SYNE1: variants seen among roughly 807,000 people sequenced by gnomAD.
SYNE1 encodes the protein spectrin repeat containing nuclear envelope protein 1.
A neutral mutation model predicts 1,111.0 loss-of-function variants in SYNE1; 616 were observed. The observed-to-expected ratio is 0.55, with a 90% CI of 0.52 to 0.59. The LOEUF (loss-of-function observed/expected upper bound fraction) is 0.59. Ranked by LOEUF, SYNE1 falls within the 20% of genes least tolerant of loss-of-function variation. SYNE1 has a pLI of 0.00. For synonymous variants in SYNE1, 3,855 were observed against 3,825.8 expected (o/e 1.01, Z -0.28); for missense variants, 10,006 against 10,417.0 (o/e 0.96, Z 1.72).
intron 104 of SYNE1, among the ~76,000 whole-genome samples, chr6:152,252,697 T>C (rs1023475979): frequency 2.6e-5 from 4 of 152,238 alleles, no homozygotes; most frequent in African/African-American, 9.6e-5. Flanking sequence ...TGACTTGACC[T>C]TTAATTATGT....
In SYNE1 at chr6:152,141,345, C is replaced by A. The variant is rs139671151; in HGVS notation, c.25120-16G>T. ...GCAGTTTCATCTGTTTAGACATAAACAACCGGCCCCTGTCACCCAAATCTT... is the reference window on the plus strand; with the variant it reads ...GCAGTTTCATCTGTTTAGACATAAAAAACCGGCCCCTGTCACCCAAATCTT... On this transcript the variant is annotated splice_polypyrimidine_tract_variant and intron_variant, in intron 138 of 145. Coordinates refer to ENST00000367255, the MANE Select transcript of SYNE1 (RefSeq NM_182961.4). 10,974 of 1,613,292 alleles carry A rather than the reference C, an allele frequency of 6.8e-3. 88 individuals carry two copies. The highest frequency in any genetic ancestry group is 0.029 in the Middle Eastern group (169 of 5,732).
In SYNE1 at chr6:152,300,763, G is replaced by C. The variant is rs1195000654; in HGVS notation, c.17560C>G (p.His5854Asp). Residue 5854 changes from histidine (H) to aspartate (D), a missense_variant, in exon 93 of 146, where the codon CAC (histidine) becomes GAC (aspartate). His to Asp is a moderately conservative substitution (Grantham distance 81, BLOSUM62 -1). This residue lies in a region of SYNE1 where 4,955 missense variants were observed against 5,017.2 expected (regional missense o/e 0.99). Transcript: ENST00000367255. ...TCAGTGACCGGTGACAGCAAAGTGT[G>C]ACAGCGACCTGCAGTCATCTGCCAC... ...SVVMMTAGRC[H>D]TLLSPVTEES... The C allele has an allele frequency of 6.2e-7, 1 of 1,614,118 alleles. No homozygotes were observed. The highest frequency in any genetic ancestry group is 8.5e-7 in the Non-Finnish European group (1 of 1,180,056).
chr6:152,348,376 T>C (rs1330902439), intron 72 of SYNE1, among the ~76,000 whole-genome samples: 2 of 152,188 alleles, frequency 1.3e-5, no homozygotes, highest in Non-Finnish European at 2.9e-5. Flanking sequence ...CAGGGAAGAA[T>C]AACTTATTTT....
At chr6:152,213,565 G>C (rs746975783) in intron 123 of SYNE1, 47 bp downstream of exon 123, 5 of 1,607,846 alleles carry the variant, frequency 3.1e-6, no homozygotes, top group Non-Finnish European at 3.4e-6. Flanking sequence ...CATCTTCTAA[G>C]GGCCTAAAAA....
At chr6:152,554,004 T>C (rs2099356817) in intron 3 of SYNE1, among the ~76,000 whole-genome samples, 1 of 151,900 alleles carries the variant, frequency 6.6e-6, no homozygotes, top group South Asian at 2.1e-4. Context: ...GGGGTGGCCC[T>C]GGGAGGAGGT....
At chr6:152,311,179 T>G in intron 87 of SYNE1, 1 of 381,716 alleles carries the variant, frequency 2.6e-6, no homozygotes, top group Non-Finnish European at 4.9e-6. Flanking sequence ...GACATAGGAA[T>G]TCTAGCAGTG....
chr6:152,285,231 C>T (rs1192220524), intron 95 of SYNE1, among the ~76,000 whole-genome samples: 2 of 152,158 alleles, frequency 1.3e-5, no homozygotes, highest in Non-Finnish European at 2.9e-5. Flanking sequence ...CAGATCCAAA[C>T]CATCACCCAG....
chr6:152,509,248 C>A (rs796369817), intron 8 of SYNE1, among the ~76,000 whole-genome samples: 13 of 75,794 alleles, frequency 1.7e-4, no homozygotes, highest in Admixed American at 6.3e-4. Context: ...TTTTCTTTTT[C>A]TTTTTTTTTT....
chr6:152,298,527 C>T lies in SYNE1; in HGVS notation c.17682+2114G>A, dbSNP rs143677592. 1.6e-4 allele frequency among the ~76,000 whole-genome samples: 25 copies of T among 151,882 alleles called. No individual in the cohort carries two copies. The East Asian group carries it at 3.1e-3, about 19-fold the overall frequency. Reference sequence around the variant, plus strand: ...TGAGTGGGACCAGGTAGTTATATAACGGAGATCTACTTGCAGGAACAGCAG... The same window carrying T: ...TGAGTGGGACCAGGTAGTTATATAATGGAGATCTACTTGCAGGAACAGCAG... On this transcript the variant is annotated intron_variant, in intron 93 of 145. Coordinates refer to ENST00000367255, the MANE Select transcript of SYNE1 (RefSeq NM_182961.4).
intron 129 of SYNE1, among the ~76,000 whole-genome samples, chr6:152,178,942 G>A (rs2067179552): frequency 1.5e-5 from 2 of 131,484 alleles, no homozygotes; most frequent in Non-Finnish European, 1.5e-5. Context: ...GAGACAGAGT[G>A]TCACTCTGTC....
At chr6:152,416,358 A>G in intron 41 of SYNE1, 29 bp downstream of exon 41, 1 of 1,612,360 alleles carries the variant, frequency 6.2e-7, no homozygotes, top group African/African-American at 1.3e-5. Flanking sequence ...AAGAAAAGAG[A>G]CAAGTGGCCG....
intron 45 of SYNE1, among the ~76,000 whole-genome samples, chr6:152,406,043 T>C (rs1327142814): frequency 1.3e-5 from 2 of 152,050 alleles, no homozygotes; most frequent in Non-Finnish European, 2.9e-5. Context: ...GGACTTTCTG[T>C]TTTTCCATTA....
At chr6:152,537,334 T>C (rs2099248287) in intron 4 of SYNE1, among the ~76,000 whole-genome samples, 1 of 152,136 alleles carries the variant, frequency 6.6e-6, no homozygotes, top group African/African-American at 2.4e-5. Flanking sequence ...CAAGTTTTAA[T>C]GATCTAACAT....
In SYNE1 at chr6:152,430,423, C is replaced by T. The variant is rs553642; in HGVS notation, c.4689+59G>A. 634,846 of 1,459,948 alleles carry T rather than the reference C, an allele frequency of 0.43. 146,586 individuals are homozygous for T. Among genetic ancestry groups the T allele is most frequent in the East Asian group, 0.78 (34,247 of 44,122 alleles). 90.4% of individuals were successfully genotyped at this position (1,459,948 alleles called of 1,614,324 possible). A position where few individuals can be genotyped will look rare whatever the true frequency, so the allele number is the denominator to read the frequency against. On this transcript the variant is annotated intron_variant, in intron 35 of 145. Coordinates refer to ENST00000367255, the MANE Select transcript of SYNE1 (RefSeq NM_182961.4). ...CACTATTTGTAAAGTATTTATTGCA[C>T]TTACCCACAAATACAATGTGAAATA... is the stretch of plus-strand genomic sequence containing the variant.
At chr6:152,560,673 T>C (rs1406342526) in intron 3 of SYNE1, among the ~76,000 whole-genome samples, 2 of 152,016 alleles carry the variant, frequency 1.3e-5, no homozygotes, top group Non-Finnish European at 2.9e-5. Flanking sequence ...AACATAGACA[T>C]GAAAATTCTC....
chr6:152,575,621 G>A (rs934600991), intron 3 of SYNE1, among the ~76,000 whole-genome samples: 1 of 152,152 alleles, frequency 6.6e-6, no homozygotes, highest in Non-Finnish European at 1.5e-5. Context: ...AGATTGTGGA[G>A]TCAACATAAA....
Position 152,358,613 on chromosome 6 carries a change from T to G in SYNE1, c.10444-76A>C, listed in dbSNP as rs990752734. On this transcript the variant is annotated intron_variant, in intron 65 of 145. Transcript: ENST00000367255. ...GCATCAGTGTGCTGTAATTCACTTTTGTAATTTTAGAAAAGTATAATTATT... is the reference window on the plus strand; with the variant it reads ...GCATCAGTGTGCTGTAATTCACTTTGGTAATTTTAGAAAAGTATAATTATT... 3.4e-6 allele frequency: 5 copies of G among 1,484,704 alleles called. No homozygotes were observed. In the African/African-American group the frequency reaches 7.0e-5, roughly 21 times the overall value. The allele number at this position is 1,484,704 out of a possible 1,614,324, so 92.0% of individuals were successfully genotyped here. A position where few individuals can be genotyped will look rare whatever the true frequency, so the allele number is the denominator to read the frequency against.
At chr6:152,514,317 T>G (rs1034279470) in intron 6 of SYNE1, among the ~76,000 whole-genome samples, 8 of 152,204 alleles carry the variant, frequency 5.3e-5, no homozygotes, top group African/African-American at 1.9e-4. Context: ...GATGAGTTCA[T>G]GTTCTTTGCA....
intron 118 of SYNE1, 115 bp downstream of exon 118, chr6:152,221,311 G>A: frequency 7.4e-7 from 1 of 1,346,626 alleles, no homozygotes; most frequent in Non-Finnish European, 1.0e-6. Flanking sequence ...TGAAAGAGAA[G>A]TTTAAAGGAA....
Sources: allele counts gnomAD v4.1 joint callset (sites outside exome capture counted in the v4.1 genomes callset), GRCh38; gene constraint gnomAD v4.1.1; regional missense constraint gnomAD v4.1.1; transcripts MANE v1.5; gene names NCBI Gene and HGNC (gene_info 2026-07-23, HGNC 2026-07-21).